Variants in NRXN1 observed in about 807,000 individuals in gnomAD.
NRXN1 encodes neurexin-1.
A neutral mutation model predicts 150.9 loss-of-function variants in NRXN1; 39 were observed. That is an observed-to-expected ratio of 0.26 (90% confidence interval 0.20 to 0.34). The LOEUF (loss-of-function observed/expected upper bound fraction) is 0.34, where lower values mean the gene tolerates loss of function less well. Ranked by LOEUF, NRXN1 falls within the 10% of genes least tolerant of loss-of-function variation. NRXN1 has a pLI of 1.00. For missense variants in NRXN1, 1,815 were observed against 1,949.9 expected (o/e 0.93, Z 1.30); for synonymous variants, 924 against 757.0 (o/e 1.22, Z -3.62).
At chr2:50,289,048 G>A (rs2072567368) in intron 17 of NRXN1, among the ~76,000 whole-genome samples, 1 of 152,056 alleles carries the variant, frequency 6.6e-6, no homozygotes, top group African/African-American at 2.4e-5. Context: ...TGACCTAGTA[G>A]CAACTCACAG....
intron 5 of NRXN1, among the ~76,000 whole-genome samples, chr2:50,805,052 G>C (rs758772557): frequency 6.6e-6 from 1 of 152,116 alleles, no homozygotes; most frequent in Admixed American, 6.6e-5. Flanking sequence ...GTCAAGTAGT[G>C]CCTATCCCAG....
chr2:50,102,515 G>C (rs1407958913), intron 18 of NRXN1, among the ~76,000 whole-genome samples: 2 of 152,036 alleles, frequency 1.3e-5, no homozygotes, highest in South Asian at 2.1e-4. Context: ...ACTCTGTTAA[G>C]TTCTGGATAA....
At chr2:50,521,068 C>T (rs1296165792) in intron 12 of NRXN1, among the ~76,000 whole-genome samples, 1 of 152,052 alleles carries the variant, frequency 6.6e-6, no homozygotes, top group Non-Finnish European at 1.5e-5. Flanking sequence ...GAAGTTCATA[C>T]TTATTTACAC....
At chr2:50,095,711 A>G (rs1700119996) in intron 18 of NRXN1, among the ~76,000 whole-genome samples, 1 of 151,940 alleles carries the variant, frequency 6.6e-6, no homozygotes, top group Admixed American at 6.6e-5. Flanking sequence ...GCAACACAAT[A>G]AAATAAACAA....
At chr2:50,446,787 T>C (rs958648717) in intron 17 of NRXN1, among the ~76,000 whole-genome samples, 5 of 152,214 alleles carry the variant, frequency 3.3e-5, no homozygotes, top group Admixed American at 3.3e-4. Context: ...ACTTGTTCTA[T>C]ATTTTAATTG....
intron 18 of NRXN1, among the ~76,000 whole-genome samples, chr2:50,131,472 C>G (rs1455677664): frequency 6.6e-6 from 1 of 152,150 alleles, no homozygotes. Flanking sequence ...GGAGGTTTAA[C>G]TGTCATTAAG....
intron 17 of NRXN1, among the ~76,000 whole-genome samples, chr2:50,384,519 A>AT (rs1558640809): frequency 0.018 from 1,816 of 101,096 alleles, 64 homozygotes; most frequent in African/African-American, 0.072. Context: ...AAAAAAAAAA[A>AT]AAAAAAAAAA....
At chr2:50,999,332 G>T (rs1699736896) in intron 2 of NRXN1, among the ~76,000 whole-genome samples, 1 of 152,056 alleles carries the variant, frequency 6.6e-6, no homozygotes, top group African/African-American at 2.4e-5. Context: ...TCCACAGTAT[G>T]CTTAACAGGT....
At chr2:50,012,000 T>C (rs974535089) in intron 21 of NRXN1, among the ~76,000 whole-genome samples, 2 of 152,214 alleles carry the variant, frequency 1.3e-5, no homozygotes, top group Non-Finnish European at 2.9e-5. Context: ...AAGATCACAT[T>C]ATGGATGTAA....
At chr2:50,174,769 G>A (rs947949408) in intron 18 of NRXN1, 3 of 152,050 alleles carry the variant, frequency 2.0e-5, no homozygotes, top group African/African-American at 4.8e-5. Context: ...AAAATTTGCT[G>A]TTGTAATTAT....
At chr2:49,982,469 A>G (rs1461820955) in intron 21 of NRXN1, among the ~76,000 whole-genome samples, 1 of 116,070 alleles carries the variant, frequency 8.6e-6, no homozygotes, top group Non-Finnish European at 2.1e-5. Context: ...AAAAAAGTAA[A>G]TCTACTTAAA....
intron 21 of NRXN1, among the ~76,000 whole-genome samples, chr2:50,051,137 G>A (rs1379926610): frequency 5.3e-5 from 8 of 151,832 alleles, no homozygotes; most frequent in Non-Finnish European, 1.2e-4. Context: ...CAATTAAGGA[G>A]CAGTTAACTC....
chr2:50,363,130 T>C (rs2079341436), intron 17 of NRXN1, among the ~76,000 whole-genome samples: 1 of 152,120 alleles, frequency 6.6e-6, no homozygotes, highest in East Asian at 1.9e-4. Flanking sequence ...CCTAAAACCA[T>C]AAAAACCTTA....
intron 5 of NRXN1, among the ~76,000 whole-genome samples, chr2:50,787,187 G>A (rs142188394): frequency 4.6e-5 from 7 of 152,172 alleles, no homozygotes; most frequent in Admixed American, 2.6e-4. Context: ...TGCTCTGACC[G>A]GAGATTCCAA....
chr2:50,121,499 T>C (rs1270581166), intron 18 of NRXN1, among the ~76,000 whole-genome samples: 2 of 152,226 alleles, frequency 1.3e-5, no homozygotes, highest in African/African-American at 4.8e-5. Flanking sequence ...ATGTAAGTGA[T>C]GTGCAAACAC....
At chr2:50,737,284 T>C (rs1429886772) in intron 5 of NRXN1, among the ~76,000 whole-genome samples, 1 of 152,174 alleles carries the variant, frequency 6.6e-6, no homozygotes, top group Non-Finnish European at 1.5e-5. Flanking sequence ...AGGCACATAA[T>C]GGCATAAAAG....
At chr2:50,549,701 T>C (rs1230577438) in intron 9 of NRXN1, among the ~76,000 whole-genome samples, 1 of 152,224 alleles carries the variant, frequency 6.6e-6, no homozygotes, top group East Asian at 1.9e-4. Context: ...TAATAAACTC[T>C]TGGTAATTTG....
chr2:50,406,697 C>T (rs75241029), intron 17 of NRXN1, among the ~76,000 whole-genome samples: 157 of 152,200 alleles, frequency 1.0e-3, no homozygotes, highest in African/African-American at 3.5e-3. Context: ...TTAAGCATTT[C>T]CATTTAATAC....
intron 5 of NRXN1, among the ~76,000 whole-genome samples, chr2:50,658,922 T>C (rs1348976940): frequency 6.6e-6 from 1 of 152,036 alleles, no homozygotes; most frequent in East Asian, 1.9e-4. Flanking sequence ...CTGAAAACAG[T>C]GCCTTTTATA....
Sources: gnomAD v4.1 joint callset for allele counts (sites outside exome capture counted in the v4.1 genomes callset) on GRCh38, gnomAD v4.1.1 for gene constraint, MANE v1.5 for transcripts, NCBI Gene and HGNC (gene_info 2026-07-23, HGNC 2026-07-21) for gene names.